Variants in SLC5A12 observed in about 807,000 individuals in gnomAD.
The protein encoded by SLC5A12 is sodium-coupled monocarboxylate transporter 2.
Under a neutral mutation model 72.7 loss-of-function variants are expected in SLC5A12, and 46 were observed. The ratio of observed to expected loss-of-function variants is 0.63; its 90% CI spans 0.50 to 0.81. The LOEUF (loss-of-function observed/expected upper bound fraction) is 0.81, where lower values mean the gene tolerates loss of function less well. Among genes scored for constraint, SLC5A12 ranks in the 30% least tolerant of loss-of-function variants. SLC5A12 has a pLI of 0.00. For missense variants in SLC5A12, 683 were observed against 740.7 expected, an observed-to-expected ratio of 0.92 and a Z score of 0.90; for synonymous variants, 275 against 264.4, an observed-to-expected ratio of 1.04 and a Z score of -0.39.
At chr11:26,698,970 G>C (rs1854894527) in intron 6 of SLC5A12, among the ~76,000 whole-genome samples, 1 of 152,144 alleles carries the variant, frequency 6.6e-6, no homozygotes, top group Non-Finnish European at 1.5e-5. Flanking sequence ...CACAGAAATA[G>C]ATAAGTGTTG....
intron 6 of SLC5A12, 100 bp downstream of exon 6, chr11:26,703,431 C>T: frequency 7.9e-7 from 1 of 1,260,686 alleles, no homozygotes; most frequent in East Asian, 2.4e-5. Flanking sequence ...TACATACACA[C>T]ACACACACAC....
rs1012578341 is a variant in SLC5A12, at chr11:26,679,036, G to C, written c.1476-221C>G. On this transcript the variant is annotated intron_variant, in intron 12 of 14. Coordinates refer to ENST00000396005, the MANE Select transcript of SLC5A12 (RefSeq NM_178498.4). ...TAACGATGTTGATACTGAATCATAAGTATTACAATGAGGATTGTGTCTTAA... is the reference window on the plus strand; with the variant it reads ...TAACGATGTTGATACTGAATCATAACTATTACAATGAGGATTGTGTCTTAA... Among the ~76,000 whole-genome samples the C allele has an allele frequency of 4.6e-5, 7 of 152,056 alleles. No individual in the cohort carries two copies. The South Asian group carries it at 1.5e-3, about 32-fold the overall frequency.
At chr11:26,706,493 T>G (rs1233543863) in intron 4 of SLC5A12, among the ~76,000 whole-genome samples, 1 of 152,042 alleles carries the variant, frequency 6.6e-6, no homozygotes, top group Non-Finnish European at 1.5e-5. Context: ...GTTTCTGATG[T>G]CATGTTTTTT....
chr11:26,720,576 A>G (rs1209828406), intron 1 of SLC5A12, among the ~76,000 whole-genome samples: 2 of 152,000 alleles, frequency 1.3e-5, no homozygotes, highest in African/African-American at 4.8e-5. Flanking sequence ...TTAAAAAAAA[A>G]TAGGTCTCTT....
rs367554725 is a variant in SLC5A12, at chr11:26,681,142, G to A, written c.1388C>T (p.Ala463Val). ...CAGAGGCAAAGGCCATGTCTTAGAG[G>A]CTGGTGCAGGGTAAATGAAGGCCCC... ...AIGAFIYPAP[A>V]SKTWPLPLST... is the part of the protein sequence containing the mutation. The change falls in exon 12 of 15, where the codon GCC becomes GTC. Residue 463 changes from alanine to valine, a missense_variant. Ala to Val is a moderately conservative substitution (Grantham distance 64). Transcript: ENST00000396005. 6.2e-7 allele frequency: 1 copy of A among 1,611,620 alleles called. No individual in the cohort carries two copies. The highest frequency in any genetic ancestry group is 1.7e-5 in the Admixed American group (1 of 59,736).
rs773718887 is a variant in SLC5A12 at position 26,671,058 on chromosome 11, T to C, written c.*44A>G. 3.2e-6 allele frequency: 5 copies of C among 1,552,814 alleles called. No individual in the cohort carries two copies. The South Asian group carries it at 4.7e-5, about 15-fold the overall frequency. The stretch of plus-strand genomic sequence containing the variant: ...GAAGTATGTGGAGTTTGTGTGTGTG[T>C]GTGTGTATTGCACGTGTGTGTGTGC... On this transcript the variant is annotated 3_prime_UTR_variant, in exon 15 of 15. Coordinates refer to ENST00000396005, the MANE Select transcript of SLC5A12 (RefSeq NM_178498.4).
chr11:26,703,391 G>A, intron 6 of SLC5A12, 140 bp downstream of exon 6: 1 of 892,610 alleles, frequency 1.1e-6, no homozygotes, highest in Admixed American at 2.8e-5. Context: ...AGAGTTAAGT[G>A]AGTCTCTCTG....
intron 1 of SLC5A12, among the ~76,000 whole-genome samples, chr11:26,718,185 T>C (rs377035032): frequency 6.6e-6 from 1 of 152,170 alleles, no homozygotes; most frequent in South Asian, 2.1e-4. Context: ...GATTAAGTGG[T>C]ATAAATTTGA....
At chr11:26,700,864 C>T (rs925634160) in intron 6 of SLC5A12, among the ~76,000 whole-genome samples, 18 of 152,118 alleles carry the variant, frequency 1.2e-4, no homozygotes, top group Admixed American at 6.6e-4. Flanking sequence ...TGTATATGAG[C>T]CACTCCTGAT....
intron 3 of SLC5A12, among the ~76,000 whole-genome samples, chr11:26,709,987 G>A (rs929431908): frequency 2.0e-5 from 3 of 152,022 alleles, no homozygotes; most frequent in East Asian, 1.9e-4. Flanking sequence ...ATCCACATTA[G>A]GTATTTCTCC....
At chr11:26,712,792 G>T in intron 1 of SLC5A12, 86 bp from the exon 2 acceptor site, 1 of 823,400 alleles carries the variant, frequency 1.2e-6, no homozygotes, top group Non-Finnish European at 1.9e-6. Flanking sequence ...TATATCCTCT[G>T]TTGTGCTCTG....
intron 9 of SLC5A12, among the ~76,000 whole-genome samples, chr11:26,690,794 CAAA>C (rs11454502): frequency 7.4e-6 from 1 of 135,464 alleles, no homozygotes. Flanking sequence ...AACTCTGTCT[CAAA>C]AAAAAAAAAA....
Position 26,669,993 on chromosome 11 carries a change from A to G in SLC5A12, c.*1109T>C, listed in dbSNP as rs1854100856. The G allele has an allele frequency of 6.6e-6, 1 of 152,090 alleles. No individual in the cohort carries two copies. Among genetic ancestry groups the G allele is most frequent in the Admixed American group, 6.6e-5 (1 of 15,234 alleles). 9.4% of individuals were successfully genotyped at this position (152,090 alleles called of 1,614,324 possible). A position where few individuals can be genotyped will look rare whatever the true frequency, so the allele number is the denominator to read the frequency against. The stretch of plus-strand genomic sequence containing the variant: ...AGAATTTCACTTCTTCACTTCTTCC[A>G]AAAATCTTTCACTGCTCCTTCATTT... On this transcript the variant is annotated 3_prime_UTR_variant, in exon 15 of 15. Transcript: ENST00000396005.
intron 10 of SLC5A12, 66 bp downstream of exon 10, chr11:26,686,411 A>C: frequency 7.1e-6 from 10 of 1,417,050 alleles, no homozygotes; most frequent in Non-Finnish European, 9.0e-6. Context: ...GGAAGAAGCA[A>C]GACATTAAAA....
chr11:26,685,356 T>C (rs1854504040), intron 10 of SLC5A12, among the ~76,000 whole-genome samples: 1 of 152,178 alleles, frequency 6.6e-6, no homozygotes, highest in Admixed American at 6.6e-5. Flanking sequence ...GCGTAGTGGC[T>C]CACATCTGTA....
intron 11 of SLC5A12, among the ~76,000 whole-genome samples, chr11:26,682,340 C>T (rs1248276138): frequency 6.6e-6 from 1 of 152,088 alleles, no homozygotes; most frequent in African/African-American, 2.4e-5. Context: ...TGGCTTGAGG[C>T]ATATCGTTTG....
intron 3 of SLC5A12, among the ~76,000 whole-genome samples, chr11:26,710,857 C>A (rs963622426): frequency 3.3e-5 from 5 of 151,826 alleles, no homozygotes; most frequent in Non-Finnish European, 5.9e-5. Context: ...GACTTTTTTT[C>A]TTTCCTTTTT....
Position 26,683,747 on chromosome 11 carries a change from G to T in SLC5A12, c.1308+10C>A. ...ACTGGGAATTGTGAAGAGGGCTGTG[G>T]GATCCTTACCTTCCAATTCACAAAA... On this transcript the variant is annotated intron_variant, in intron 11 of 14. Transcript: ENST00000396005. The T allele has an allele frequency of 6.4e-7, 1 of 1,573,648 alleles. No individual in the cohort carries two copies. Among genetic ancestry groups the T allele is most frequent in the South Asian group, 1.2e-5 (1 of 85,796 alleles).
chr11:26,692,605 T>C lies in SLC5A12; in HGVS notation c.1041-4A>G. On this transcript the variant is annotated splice_polypyrimidine_tract_variant and splice_region_variant and intron_variant, in intron 8 of 14. Coordinates refer to ENST00000396005, the MANE Select transcript of SLC5A12 (RefSeq NM_178498.4). ...ATTGATGCTGGAAGCCACGGTGCTATAAGGAAAGAAAAGTGAGAACATGGT... is the reference window on the plus strand; with the variant it reads ...ATTGATGCTGGAAGCCACGGTGCTACAAGGAAAGAAAAGTGAGAACATGGT... The C allele has an allele frequency of 1.9e-6, 3 of 1,608,532 alleles. No individual in the cohort carries two copies. The highest frequency in any genetic ancestry group is 1.1e-5 in the South Asian group (1 of 90,952).
Sources: allele counts gnomAD v4.1 joint callset (sites outside exome capture counted in the v4.1 genomes callset), GRCh38; gene constraint gnomAD v4.1.1; transcripts MANE v1.5; gene names NCBI Gene and HGNC (gene_info 2026-07-23, HGNC 2026-07-21).